The following LHFPL3 variants were observed in gnomAD, a reference collection of about 807,000 sequenced individuals.
LHFPL3 encodes LHFPL tetraspan subfamily member 3 protein.
Under a neutral mutation model 19.3 loss-of-function variants are expected in LHFPL3, and 5 were observed. That is an observed-to-expected ratio of 0.26 (90% CI 0.14 to 0.54). The LOEUF is 0.54. Ranked by LOEUF, LHFPL3 falls within the 20% of genes least tolerant of loss-of-function variation. LHFPL3 has a pLI of 0.94. For synonymous variants in LHFPL3, 133 were observed against 126.2 expected (o/e 1.05, Z -0.36); for missense variants, 249 against 307.4 (o/e 0.81, Z 1.42).
intron 1 of LHFPL3, among the ~76,000 whole-genome samples, chr7:104,465,524 A>C (rs1279060975): frequency 6.6e-6 from 1 of 152,248 alleles, no homozygotes; most frequent in African/African-American, 2.4e-5. Context: ...ACTGACTCAC[A>C]GTTCAGCATG....
chr7:104,896,188 A>C (rs1267303239), intron 2 of LHFPL3: 1 of 152,196 alleles, frequency 6.6e-6, no homozygotes, highest in Admixed American at 6.5e-5. Context: ...TTCAATATTT[A>C]CACTTTGGGA....
At chr7:104,638,865 CG>C (rs1173539989) in intron 1 of LHFPL3, among the ~76,000 whole-genome samples, 1 of 151,194 alleles carries the variant, frequency 6.6e-6, no homozygotes, top group Non-Finnish European at 1.5e-5. Flanking sequence ...AAGGCTCAAG[CG>C]ATCCTCCCAC....
chr7:104,470,160 C>A (rs1395824571), intron 1 of LHFPL3: 2 of 443,062 alleles, frequency 4.5e-6, no homozygotes, highest in Non-Finnish European at 9.2e-6. Flanking sequence ...TTCTTTTCCC[C>A]CTGTTCTTAG....
intron 1 of LHFPL3, among the ~76,000 whole-genome samples, chr7:104,624,032 T>C (rs1370302052): frequency 6.6e-6 from 1 of 152,222 alleles, no homozygotes; most frequent in Non-Finnish European, 1.5e-5. Context: ...AATAAAAGGT[T>C]ACACTTACTG....
intron 2 of LHFPL3, chr7:104,799,849 C>T (rs540677300): frequency 1.4e-4 from 21 of 153,444 alleles, no homozygotes; most frequent in African/African-American, 5.1e-4. Flanking sequence ...CTTGCCTTCC[C>T]ATGACTTCAC....
intron 2 of LHFPL3, among the ~76,000 whole-genome samples, chr7:104,830,568 A>G (rs1355832562): frequency 2.6e-5 from 4 of 151,906 alleles, no homozygotes; most frequent in Non-Finnish European, 5.9e-5. Flanking sequence ...CAGTTTTCCC[A>G]GCACCATTTA....
intron 1 of LHFPL3, among the ~76,000 whole-genome samples, chr7:104,417,881 C>CTT (rs1468627294): frequency 8.7e-5 from 10 of 115,436 alleles, no homozygotes; most frequent in East Asian, 3.2e-4. Flanking sequence ...TCTTCTTCTT[C>CTT]TTCTTTTTTT....
At chr7:104,401,201 A>C (rs948392548) in intron 1 of LHFPL3, among the ~76,000 whole-genome samples, 1 of 152,222 alleles carries the variant, frequency 6.6e-6, no homozygotes, top group African/African-American at 2.4e-5. Context: ...CTTTAAACAC[A>C]ATAGAACATG....
intron 1 of LHFPL3, among the ~76,000 whole-genome samples, chr7:104,714,001 A>G (rs1793341516): frequency 6.6e-6 from 1 of 152,208 alleles, no homozygotes; most frequent in African/African-American, 2.4e-5. Flanking sequence ...GCAGGCTAAG[A>G]CTGGGTTAAG....
intron 1 of LHFPL3, among the ~76,000 whole-genome samples, chr7:104,578,566 C>G (rs1310409987): frequency 2.6e-5 from 4 of 152,130 alleles, no homozygotes; most frequent in Non-Finnish European, 5.9e-5. Context: ...CATGGCATAT[C>G]AAATATTTTA....
chr7:104,523,994 G>A (rs1222480742), intron 1 of LHFPL3, among the ~76,000 whole-genome samples: 1 of 152,116 alleles, frequency 6.6e-6, no homozygotes, highest in Non-Finnish European at 1.5e-5. Context: ...CTGTAAACAG[G>A]TGTTTAGGAA....
rs531274849 is a variant in LHFPL3 at position 104,506,321 on chromosome 7, C to T, written c.445+177097C>T. Among the ~76,000 whole-genome samples the T allele has an allele frequency of 1.4e-3, 209 of 152,216 alleles. 2 individuals are homozygous for T. Among genetic ancestry groups the T allele is most frequent in the African/African-American group, 4.2e-3 (173 of 41,536 alleles). The stretch of plus-strand genomic sequence containing the variant: ...TTCCATCCCATTTGTTATTCCATCG[C>T]TGAACTCCTACTCATTCTTCAGGAC... On this transcript the variant is annotated intron_variant, in intron 1 of 2. Transcript: ENST00000424859.
chr7:104,417,376 A>G (rs1791641582), intron 1 of LHFPL3, among the ~76,000 whole-genome samples: 1 of 152,196 alleles, frequency 6.6e-6, no homozygotes, highest in African/African-American at 2.4e-5. Context: ...CATATTCCCA[A>G]TATTAAGTGA....
At chr7:104,462,605 A>T (rs61886233) in intron 1 of LHFPL3, among the ~76,000 whole-genome samples, 1 of 152,116 alleles carries the variant, frequency 6.6e-6, no homozygotes, top group South Asian at 2.1e-4. Context: ...ATCATGGTGG[A>T]TTAGCTTTTT....
intron 1 of LHFPL3, among the ~76,000 whole-genome samples, chr7:104,580,693 T>A (rs1790443683): frequency 1.3e-5 from 2 of 152,066 alleles, no homozygotes. Flanking sequence ...TTCCTCATAC[T>A]CATCGCAGTC....
intron 2 of LHFPL3, among the ~76,000 whole-genome samples, chr7:104,846,203 A>G (rs143567518): frequency 6.6e-6 from 1 of 152,288 alleles, no homozygotes; most frequent in Non-Finnish European, 1.5e-5. Flanking sequence ...TGATTTCAAT[A>G]TGTGATAAAC....
Position 104,556,693 on chromosome 7 carries a change from C to T in LHFPL3, c.446-179982C>T, listed in dbSNP as rs139496789. ...TTAACATTTGGTTCCTGATTACTTA[C>T]ACAAGTTTCTGCAGCCAGTTTGAAT... On this transcript the variant is annotated intron_variant, in intron 1 of 2. Coordinates refer to ENST00000424859, the MANE Select transcript of LHFPL3 (RefSeq NM_199000.3). Among the ~76,000 whole-genome samples, 298 of 152,352 alleles carry T rather than the reference C, an allele frequency of 2.0e-3. 1 individual carries two copies. The highest frequency in any genetic ancestry group is 7.0e-3 in the African/African-American group (292 of 41,590).
intron 1 of LHFPL3, among the ~76,000 whole-genome samples, chr7:104,343,811 C>T (rs1271139721): frequency 1.3e-5 from 2 of 151,904 alleles, no homozygotes; most frequent in Non-Finnish European, 2.9e-5. Context: ...CTGATTACAT[C>T]CCCTCTCACC....
At chr7:104,366,408 G>A (rs978569997) in intron 1 of LHFPL3, among the ~76,000 whole-genome samples, 1 of 152,204 alleles carries the variant, frequency 6.6e-6, no homozygotes, top group Non-Finnish European at 1.5e-5. Context: ...CATAGTGGAT[G>A]CTTAATAAAT....
Sources: gnomAD v4.1 joint callset for allele counts (sites outside exome capture counted in the v4.1 genomes callset) on GRCh38, gnomAD v4.1.1 for gene constraint, MANE v1.5 for transcripts, NCBI Gene and HGNC (gene_info 2026-07-23, HGNC 2026-07-21) for gene names.